Variants in HS3ST6 observed in about 807,000 individuals in gnomAD.
The protein encoded by HS3ST6 is heparan sulfate glucosamine 3-O-sulfotransferase 6.
HS3ST6 carries 13 observed loss-of-function variants against 11.0 expected under a neutral mutation model. The observed-to-expected ratio is 1.18, with a 90% CI of 0.77 to 1.88. The LOEUF (loss-of-function observed/expected upper bound fraction) is 1.88, where lower values mean the gene tolerates loss of function less well. Ranked by LOEUF, HS3ST6 falls within the 40% of genes most tolerant of loss-of-function variation. The pLI is 0.00. For missense variants in HS3ST6, 541 were observed against 494.4 expected (o/e 1.09, Z -0.89); for synonymous variants, 232 against 230.6 (o/e 1.01, Z -0.06).
upstream of HS3ST6, among the ~76,000 whole-genome samples, chr16:1,919,810 C>G (rs948402131): frequency 3.3e-5 from 5 of 152,246 alleles, no homozygotes; most frequent in Non-Finnish European, 5.9e-5. Flanking sequence ...TCCAGACATG[C>G]GGGCTGCACC....
At position 1,911,744 on chromosome 16, in the gene HS3ST6, G is replaced by A. The variant is rs199571883; in HGVS notation, c.875C>T (p.Ala292Val). Residue 292 changes from alanine (A) to valine (V), a missense_variant, in exon 2 of 2, where the codon GCC becomes GTC. Physicochemically the swap from Ala to Val is moderately conservative, Grantham distance 64. Coordinates refer to ENST00000454677, the MANE Select transcript of HS3ST6 (RefSeq NM_001009606.4). ...GCAGCGGGGACGGCTGCCGCCCTGG[G>A]CCTTCTTGAGGCAGGGGAAGCCCTT... ...ATKGFPCLKK[A>V]QGGSRPRCLG... The A allele has an allele frequency of 5.5e-5, 89 of 1,613,498 alleles. No homozygotes were observed. Among genetic ancestry groups the A allele is most frequent in the Middle Eastern group, 1.6e-4 (1 of 6,082 alleles).
Position 1,914,175 on chromosome 16 carries a change from C to A in HS3ST6, c.414-1970G>T, listed in dbSNP as rs569552570. Among the ~76,000 whole-genome samples, 6 of 152,132 alleles carry A rather than the reference C, an allele frequency of 3.9e-5. No individual in the cohort carries two copies. The South Asian group carries it at 1.2e-3, about 31-fold the overall frequency. On this transcript the variant is annotated intron_variant, in intron 1 of 1. Transcript: ENST00000454677. ...CCCTGGAGGGCTGCCTCCTTCCAGCCCACCTGGAAGGGTGGTGTCAGTCCC... is the reference window on the plus strand; with the variant it reads ...CCCTGGAGGGCTGCCTCCTTCCAGCACACCTGGAAGGGTGGTGTCAGTCCC...
rs535140365 is a variant in HS3ST6, at chr16:1,912,209, C to A, written c.414-4G>T. ...CAGGGTTCGGGGCATCAGACTCCTGCGGGACGGGTGCAAGGAGAGGGGGCC... is the reference window on the plus strand; with the variant it reads ...CAGGGTTCGGGGCATCAGACTCCTGAGGGACGGGTGCAAGGAGAGGGGGCC... On this transcript the variant is annotated splice_polypyrimidine_tract_variant and splice_region_variant and intron_variant, in intron 1 of 1. Coordinates refer to ENST00000454677, the MANE Select transcript of HS3ST6 (RefSeq NM_001009606.4). The surrounding 1 kb of genome is among the most constrained non-coding windows in gnomAD (Gnocchi z 5.6). 1.4e-6 allele frequency: 2 copies of A among 1,410,306 alleles called. No homozygotes were observed. The highest frequency in any genetic ancestry group is 2.7e-5 in the East Asian group (1 of 37,038). 87.4% of individuals were successfully genotyped at this position (1,410,306 alleles called of 1,614,324 possible).
intron 1 of HS3ST6, among the ~76,000 whole-genome samples, chr16:1,915,087 C>T (rs1470823125): frequency 1.3e-5 from 2 of 152,114 alleles, no homozygotes; most frequent in Non-Finnish European, 2.9e-5. Context: ...CTCGCAGATG[C>T]CAAAAGGGCC....
upstream of HS3ST6, among the ~76,000 whole-genome samples, chr16:1,919,812 G>A (rs1351228822): frequency 2.6e-5 from 4 of 152,380 alleles, no homozygotes; most frequent in African/African-American, 9.6e-5. Context: ...CAGACATGCG[G>A]GCTGCACCTG....
In HS3ST6 at chr16:1,911,929, C is replaced by T. The variant is rs932779048; in HGVS notation, c.690G>A (p.Gln230=). 1.1e-5 allele frequency: 18 copies of T among 1,598,264 alleles called. No individual in the cohort carries two copies. Among genetic ancestry groups the T allele is most frequent in the Non-Finnish European group, 1.3e-5 (15 of 1,171,116 alleles). Residue 230 remains glutamine (Q), a synonymous_variant, in exon 2 of 2, where the codon CAG becomes CAA. Transcript: ENST00000454677. ...WSAVRIGLYA[Q]HLDHWLRYFP... is the part of the protein sequence containing the mutation. ...AGTAGCGCAGCCAGTGGTCCAGGTG[C>T]TGGGCGTACAGGCCGATGCGGACGG...
intron 1 of HS3ST6, among the ~76,000 whole-genome samples, chr16:1,915,711 G>A (rs887344192): frequency 6.6e-6 from 1 of 152,246 alleles, no homozygotes; most frequent in Non-Finnish European, 1.5e-5. Flanking sequence ...CTTCACTAGT[G>A]GGGGAACGGC....
In HS3ST6 at chr16:1,912,471, GTGA is replaced by G. The variant is rs2082897804; in HGVS notation, c.414-269_414-267del. ...GCCTGCTGCTGCACTGAGGATTAGG[GTGA>G]CGGTCGCTGGTCGGGAGGCCCAAAT... On this transcript the variant is annotated intron_variant, in intron 1 of 1. Transcript: ENST00000454677. The surrounding 1 kb of genome is among the most constrained non-coding windows in gnomAD (Gnocchi z 5.6). Among the ~76,000 whole-genome samples the G allele has an allele frequency of 1.3e-5, 2 of 152,160 alleles. No homozygotes were observed. The highest frequency in any genetic ancestry group is 2.4e-5 in the African/African-American group (1 of 41,430).
chr16:1,920,123 T>A (rs2429188), upstream of HS3ST6, among the ~76,000 whole-genome samples: 34,939 of 119,304 alleles, frequency 0.29, 4,163 homozygotes, highest in South Asian at 0.43. Context: ...GTCTCAGCCG[T>A]CCCCATGGTC....
In HS3ST6 at chr16:1,912,294, C is replaced by T. The variant is rs150469116; in HGVS notation, c.414-89G>A. ...CCCGGGACCAAGGCCCCCTTATGCC[C>T]GGGAAGCCCAGGCCTCCAGGGCGAG... is the stretch of plus-strand genomic sequence containing the variant. On this transcript the variant is annotated intron_variant, in intron 1 of 1. Coordinates refer to ENST00000454677, the MANE Select transcript of HS3ST6 (RefSeq NM_001009606.4). This position sits in a 1 kb window ranked among gnomAD's most constrained non-coding sequence, Gnocchi z 5.6. The T allele has an allele frequency of 1.7e-3, 2,079 of 1,189,538 alleles. 27 individuals are homozygous for T. In the African/African-American group the frequency reaches 0.029, roughly 17 times the overall value. The allele number at this position is 1,189,538 out of a possible 1,614,324, so 73.7% of individuals were successfully genotyped here. A position where few individuals can be genotyped will look rare whatever the true frequency, so the allele number is the denominator to read the frequency against.
At chr16:1,920,440 GCCGTCCCCA>G (rs1324913249), upstream of HS3ST6, among the ~76,000 whole-genome samples, 1 of 151,878 alleles carries the variant, frequency 6.6e-6, no homozygotes, top group African/African-American at 2.4e-5. Context: ...CACGGTCTCA[GCCGTCCCCA>G]CAGTCTCAGC....
Position 1,918,038 on chromosome 16 carries a change from C to A in HS3ST6, c.286G>T (p.Val96Phe). The A allele has an allele frequency of 6.6e-7, 1 of 1,523,658 alleles. No individual in the cohort carries two copies. Among genetic ancestry groups the A allele is most frequent in the Non-Finnish European group, 8.8e-7 (1 of 1,142,814 alleles). 94.4% of individuals were successfully genotyped at this position (1,523,658 alleles called of 1,614,324 possible). ...GRRRFPQALI[V>F]GVKKGGTRAL... ...CGCGTGCCGCCCTTCTTCACGCCAA[C>A]GATGAGCGCTTGCGGGAAGCGCCGG... Residue 96 changes from valine (V) to phenylalanine (F), a missense_variant, in exon 1 of 2, where the codon GTT becomes TTT. Transcript: ENST00000454677. This position sits in a 1 kb window ranked among gnomAD's most constrained non-coding sequence, Gnocchi z 6.0.
At position 1,912,072 on chromosome 16, in the gene HS3ST6, G is replaced by C. The variant is rs1348302354; in HGVS notation, c.547C>G (p.Pro183Ala). Residue 183 changes from proline to alanine, a missense_variant, in exon 2 of 2, where the codon CCC becomes GCC. Transcript: ENST00000454677. The surrounding 1 kb of genome is among the most constrained non-coding windows in gnomAD (Gnocchi z 5.6). ...DTKLIVVVRN[P>A]VTRAISDYAQ... The stretch of plus-strand genomic sequence containing the variant: ...TAGTCGGAGATGGCCCGGGTCACGG[G>C]GTTCCGCACCACCACGATCAGCTTC... The C allele has an allele frequency of 6.6e-7, 1 of 1,513,522 alleles. No homozygotes were observed. The highest frequency in any genetic ancestry group is 1.3e-5 in the South Asian group (1 of 74,620). 93.8% of individuals were successfully genotyped at this position (1,513,522 alleles called of 1,614,324 possible). A position where few individuals can be genotyped will look rare whatever the true frequency, so the allele number is the denominator to read the frequency against.
upstream of HS3ST6, among the ~76,000 whole-genome samples, chr16:1,919,101 G>C (rs930281079): frequency 4.6e-5 from 7 of 152,228 alleles, no homozygotes; most frequent in Admixed American, 3.9e-4. Flanking sequence ...CAGGGGCCCA[G>C]TGGTGAACTG....
At chr16:1,914,071 C>A (rs1364754892) in intron 1 of HS3ST6, among the ~76,000 whole-genome samples, 1 of 152,190 alleles carries the variant, frequency 6.6e-6, no homozygotes, top group Non-Finnish European at 1.5e-5. Context: ...CCCACTGCCA[C>A]TTCAGAAGCA....
chr16:1,915,711 G>C (rs887344192), intron 1 of HS3ST6, among the ~76,000 whole-genome samples: 1 of 152,246 alleles, frequency 6.6e-6, no homozygotes, highest in Non-Finnish European at 1.5e-5. Flanking sequence ...CTTCACTAGT[G>C]GGGGAACGGC....
At chr16:1,919,263 G>A (rs2082947915), upstream of HS3ST6, among the ~76,000 whole-genome samples, 1 of 152,202 alleles carries the variant, frequency 6.6e-6, no homozygotes, top group African/African-American at 2.4e-5. Flanking sequence ...CCCCTGTGCT[G>A]GGGAAGAGAA....
Position 1,917,977 on chromosome 16 carries a change from A to C in HS3ST6, c.347T>G (p.Val116Gly). Reference protein sequence around the residue: ...LLEFLRLHPDVRALGSEPHFF... With the variant: ...LLEFLRLHPDGRALGSEPHFF... ...GTGGGGCTCAGAGCCCAGCGCGCGG[A>C]CGTCGGGGTGCAGCCGCAGAAACTC... The change falls in exon 1 of 2, where the codon GTC (valine) becomes GGC (glycine). Residue 116 changes from valine (V) to glycine (G), a missense_variant. Val to Gly is a moderately radical substitution (Grantham distance 109). Coordinates refer to ENST00000454677, the MANE Select transcript of HS3ST6 (RefSeq NM_001009606.4). The C allele has an allele frequency of 1.9e-6, 3 of 1,553,112 alleles. No individual in the cohort carries two copies. The highest frequency in any genetic ancestry group is 2.6e-6 in the Non-Finnish European group (3 of 1,158,900).
chr16:1,920,793 G>A (rs1385505740), upstream of HS3ST6, among the ~76,000 whole-genome samples: 7 of 152,100 alleles, frequency 4.6e-5, no homozygotes, highest in Non-Finnish European at 7.4e-5. Context: ...TACACACCTC[G>A]GGGCGCCCAG....
Sources: allele counts gnomAD v4.1 joint callset (sites outside exome capture counted in the v4.1 genomes callset), GRCh38; gene constraint gnomAD v4.1.1; non-coding constraint Gnocchi (gnomAD v3.1); transcripts MANE v1.5; gene names NCBI Gene and HGNC (gene_info 2026-07-23, HGNC 2026-07-21).